SEC31A: variants seen among roughly 807,000 people sequenced by gnomAD.
The protein encoded by SEC31A is SEC31 homolog A, COPII component, also known as protein transport protein Sec31A.
A neutral mutation model predicts 151.0 loss-of-function variants in SEC31A; 70 were observed. The ratio of observed to expected loss-of-function variants is 0.46; its 90% CI spans 0.38 to 0.57. SEC31A has a LOEUF of 0.57. Among genes scored for constraint, SEC31A ranks in the 20% least tolerant of loss-of-function variants. SEC31A has a pLI of 0.00. For missense variants in SEC31A, 1,330 were observed against 1,471.2 expected (o/e 0.90, Z 1.57); for synonymous variants, 475 against 505.9 (o/e 0.94, Z 0.82).
chr4:82,845,359 A>C (rs1037118727), intron 20 of SEC31A: 3 of 951,404 alleles, frequency 3.2e-6, no homozygotes, highest in Non-Finnish European at 2.9e-6. Flanking sequence ...GAAGAAAAAA[A>C]CCCCAAAAGG....
Position 82,886,343 on chromosome 4 carries a change from T to C in SEC31A, c.-4-4403A>G, listed in dbSNP as rs375515522. The stretch of plus-strand genomic sequence containing the variant: ...TAGCTATGATACTTTGGACACATTA[T>C]TTAACCTCCCTGAGCCCCAGTTTCT... On this transcript the variant is annotated intron_variant, in intron 1 of 26. Transcript: ENST00000395310. Among the ~76,000 whole-genome samples, 8 of 152,324 alleles carry C rather than the reference T, an allele frequency of 5.3e-5. No individual in the cohort carries two copies. In the East Asian group the frequency reaches 1.3e-3, roughly 26 times the overall value.
intron 22 of SEC31A, among the ~76,000 whole-genome samples, chr4:82,840,453 G>T (rs898041679): frequency 6.6e-6 from 1 of 152,132 alleles, no homozygotes; most frequent in Non-Finnish European, 1.5e-5. Context: ...AACTATTGAT[G>T]TATCTGTAGT....
intron 24 of SEC31A, among the ~76,000 whole-genome samples, chr4:82,825,437 T>C (rs150266167): frequency 6.6e-6 from 1 of 152,300 alleles, no homozygotes; most frequent in African/African-American, 2.4e-5. Flanking sequence ...ATGCTATAAC[T>C]GAGATTTGAC....
At chr4:82,869,042 T>C (rs1166394101) in intron 8 of SEC31A, among the ~76,000 whole-genome samples, 1 of 152,178 alleles carries the variant, frequency 6.6e-6, no homozygotes, top group East Asian at 1.9e-4. Flanking sequence ...TTTATTTTGT[T>C]TGATAAGATG....
intron 1 of SEC31A, 117 bp from the exon 2 acceptor site, chr4:82,882,057 A>G: frequency 2.6e-6 from 2 of 754,928 alleles, no homozygotes; most frequent in Non-Finnish European, 4.6e-6. Context: ...GTAATGCCCA[A>G]CTGCAAATAA....
intron 15 of SEC31A, among the ~76,000 whole-genome samples, chr4:82,857,378 C>T (rs1203777097): frequency 6.6e-6 from 1 of 152,180 alleles, no homozygotes; most frequent in African/African-American, 2.4e-5. Flanking sequence ...TCAAAGATCA[C>T]CTAGGTGTCT....
chr4:82,852,502 T>C (rs1731675272), intron 18 of SEC31A, among the ~76,000 whole-genome samples: 1 of 152,192 alleles, frequency 6.6e-6, no homozygotes, highest in South Asian at 2.1e-4. Context: ...CCTTTCTGCC[T>C]TTCCTAAGTG....
At chr4:82,823,778 C>T (rs535757472) in intron 25 of SEC31A, among the ~76,000 whole-genome samples, 74 of 152,328 alleles carry the variant, frequency 4.9e-4, no homozygotes, top group Non-Finnish European at 8.4e-4. Flanking sequence ...GATCTATCTA[C>T]TTTTAACAAT....
rs565995674 is a variant in SEC31A, at chr4:82,829,688, T to C, written c.2969-630A>G. ...GATTTTTAATGCCGTAAAAAAAAAT[T>C]TGCAGGCTGATAGCAAATATAAAAT... On this transcript the variant is annotated intron_variant, in intron 22 of 26. Coordinates refer to ENST00000395310, the MANE Select transcript of SEC31A (RefSeq NM_001077207.4). Among the ~76,000 whole-genome samples the C allele has an allele frequency of 2.6e-5, 4 of 152,208 alleles. No homozygotes were observed. The South Asian group carries it at 8.3e-4, about 32-fold the overall frequency.
chr4:82,894,428 TGGTACCTATCA>T (rs1205233514), upstream of SEC31A: 1 of 152,246 alleles, frequency 6.6e-6, no homozygotes, highest in African/African-American at 2.4e-5. Context: ...GCAATGGTTT[TGGTACCTATCA>T]GGTATAAAGT....
At chr4:82,887,125 G>T (rs1189013924) in intron 1 of SEC31A, among the ~76,000 whole-genome samples, 1 of 152,048 alleles carries the variant, frequency 6.6e-6, no homozygotes, top group Non-Finnish European at 1.5e-5. Context: ...GGTTAAGGGG[G>T]AAAAGGTTAT....
At chr4:82,844,717 C>T (rs2149270567) in intron 20 of SEC31A, among the ~76,000 whole-genome samples, 1 of 152,304 alleles carries the variant, frequency 6.6e-6, no homozygotes, top group African/African-American at 2.4e-5. Context: ...TCAGACAGAT[C>T]CAAAGTAATA....
At chr4:82,835,571 G>A (rs1375632063) in intron 22 of SEC31A, among the ~76,000 whole-genome samples, 2 of 152,188 alleles carry the variant, frequency 1.3e-5, no homozygotes, top group East Asian at 3.9e-4. Flanking sequence ...TGAGGTGGAT[G>A]GATCACCTGA....
intron 8 of SEC31A, among the ~76,000 whole-genome samples, 186 bp from the exon 9 acceptor site, chr4:82,867,502 T>C (rs1735664434): frequency 6.6e-6 from 1 of 152,264 alleles, no homozygotes; most frequent in African/African-American, 2.4e-5. Flanking sequence ...TACGATGACC[T>C]ATTCTGATTA....
intron 14 of SEC31A, among the ~76,000 whole-genome samples, chr4:82,859,385 C>T (rs568022551): frequency 2.0e-5 from 3 of 152,234 alleles, no homozygotes; most frequent in South Asian, 4.1e-4. Flanking sequence ...ATTTTAAATG[C>T]TTTCTCTCCC....
intron 18 of SEC31A, among the ~76,000 whole-genome samples, chr4:82,852,071 T>C (rs192478882): frequency 2.6e-5 from 4 of 152,270 alleles, no homozygotes; most frequent in African/African-American, 7.2e-5. Context: ...AATTGAATCA[T>C]GGGTCAGGTT....
chr4:82,878,761 G>C lies in SEC31A; in HGVS notation c.371C>G (p.Pro124Arg). 1 of 1,613,952 alleles carries C rather than the reference G, an allele frequency of 6.2e-7. No homozygotes were observed. The highest frequency in any genetic ancestry group is 8.5e-7 in the Non-Finnish European group (1 of 1,179,876). Residue 124 changes from proline (P) to arginine (R), a missense_variant, in exon 4 of 27, where the codon CCA (proline) becomes CGA (arginine). By Grantham distance (103) the Pro-to-Arg change is moderately radical. Coordinates refer to ENST00000395310, the MANE Select transcript of SEC31A (RefSeq NM_001077207.4). Reference protein sequence around the residue: ...VIAQNDKHTGPVRALDVNIFQ... With the variant: ...VIAQNDKHTGRVRALDVNIFQ... ...AATGTTCACATCCAAGGCTCTCACTGGGCCAGTATGCTTGTCATTCTGGGC... is the reference window on the plus strand; with the variant it reads ...AATGTTCACATCCAAGGCTCTCACTCGGCCAGTATGCTTGTCATTCTGGGC...
chr4:82,861,761 G>C, intron 13 of SEC31A, 53 bp from the exon 14 acceptor site: 2 of 1,250,282 alleles, frequency 1.6e-6, no homozygotes, highest in South Asian at 1.3e-5. Flanking sequence ...GTATTAAAAG[G>C]CTATTAGTGA....
intron 21 of SEC31A, 158 bp downstream of exon 21, chr4:82,844,228 T>A: frequency 1.4e-6 from 1 of 705,556 alleles, no homozygotes. Context: ...TCAGGCCACC[T>A]CCTAAAAAAA....
Sources: allele counts gnomAD v4.1 joint callset (sites outside exome capture counted in the v4.1 genomes callset), GRCh38; gene constraint gnomAD v4.1.1; transcripts MANE v1.5; gene names NCBI Gene and HGNC (gene_info 2026-07-23, HGNC 2026-07-21).